The following GALNT13 variants were observed in gnomAD, a reference collection of about 807,000 sequenced individuals.
GALNT13 encodes the protein polypeptide N-acetylgalactosaminyltransferase 13.
In GALNT13, 28 loss-of-function variants were observed where a neutral mutation model predicts 64.2. That is an observed-to-expected ratio of 0.44 (90% CI 0.32 to 0.60). GALNT13 has a LOEUF of 0.60. Among genes scored for constraint, GALNT13 ranks in the 20% least tolerant of loss-of-function variants. The pLI, the probability that GALNT13 is intolerant of heterozygous loss-of-function variation, is 0.05. For synonymous variants in GALNT13, 214 were observed against 224.6 expected (o/e 0.95, Z 0.42); for missense variants, 577 against 669.8 (o/e 0.86, Z 1.53).
rs1279046101 is a variant in GALNT13, at chr2:154,042,550, C to T, written c.143-97787C>T. On this transcript the variant is annotated intron_variant, in intron 3 of 12. Coordinates refer to ENST00000392825, the MANE Select transcript of GALNT13 (RefSeq NM_052917.4). ...GCAGCCTTCCAGACAATATCATAAT[C>T]TTTTTTAAAGTGCACAGCACTATCT... Among the ~76,000 whole-genome samples the T allele has an allele frequency of 4.7e-5, 6 of 128,126 alleles. 2 individuals are homozygous for T. The highest frequency in any genetic ancestry group is 1.1e-4 in the Non-Finnish European group (6 of 54,220). The allele number at this position is 128,126 out of a possible 152,430, so 84.1% of individuals were successfully genotyped here.
At chr2:153,504,472 G>A in the GALNT13 span, among the ~76,000 whole-genome samples, 2 of 152,148 alleles carry the variant, frequency 1.3e-5, no homozygotes, top group Admixed American at 6.5e-5. Context: ...AGTTCTCAAA[G>A]GGAATGTTTT....
At chr2:153,942,772 A>T (rs1313147424) in intron 2 of GALNT13, among the ~76,000 whole-genome samples, 1 of 152,086 alleles carries the variant, frequency 6.6e-6, no homozygotes, top group Non-Finnish European at 1.5e-5. Flanking sequence ...TACAATAATT[A>T]TTTTGTAACT....
the GALNT13 span, among the ~76,000 whole-genome samples, chr2:153,109,899 AG>A: frequency 6.6e-6 from 1 of 152,068 alleles, no homozygotes; most frequent in Non-Finnish European, 1.5e-5. Context: ...AAACTATAAA[AG>A]CACAAGGTAA....
rs897946425 is a variant in GALNT13, at chr2:154,009,338, T to C, written c.142+64699T>C. On this transcript the variant is annotated intron_variant, in intron 3 of 12. Transcript: ENST00000392825. ...GTTTGAAGTTGGGTTATGTGTTGCC[T>C]GCTGCTTTTTTCTTTTTGCTTAGGA... 4.9e-4 allele frequency among the ~76,000 whole-genome samples: 75 copies of C among 152,144 alleles called. 1 individual carries two copies. The highest frequency in any genetic ancestry group is 4.9e-3 in the Admixed American group (75 of 15,250).
intron 3 of GALNT13, among the ~76,000 whole-genome samples, chr2:154,055,565 G>A (rs1699855451): frequency 6.6e-6 from 1 of 152,040 alleles, no homozygotes; most frequent in African/African-American, 2.4e-5. Context: ...GTGACTAATT[G>A]GAGAAAGTAT....
At chr2:153,664,199 C>T in the GALNT13 span, among the ~76,000 whole-genome samples, 1 of 152,170 alleles carries the variant, frequency 6.6e-6, no homozygotes, top group Non-Finnish European at 1.5e-5. Context: ...GGGCATATTT[C>T]ATCCCTTATC....
chr2:153,776,742 C>G, the GALNT13 span, among the ~76,000 whole-genome samples: 1 of 152,212 alleles, frequency 6.6e-6, no homozygotes, highest in Non-Finnish European at 1.5e-5. Flanking sequence ...CTTCTCTGTG[C>G]AGCTCTGACA....
At chr2:153,277,927 C>CTTTTTTTTTTTTTTTT in the GALNT13 span, among the ~76,000 whole-genome samples, 270 of 80,052 alleles carry the variant, frequency 3.4e-3, 18 homozygotes, top group Non-Finnish European at 4.9e-3. Context: ...TCTTTTCTTT[C>CTTTTTTTTTTTTTTTT]TTTTTTTTTT....
the GALNT13 span, among the ~76,000 whole-genome samples, chr2:153,345,723 T>TCCG: frequency 0.054 from 4,464 of 82,776 alleles, 251 homozygotes; most frequent in Middle Eastern, 0.07. Flanking sequence ...CTTTCTGTCC[T>TCCG]TCCTTCCTTC....
At chr2:153,745,863 C>G in the GALNT13 span, among the ~76,000 whole-genome samples, 6 of 152,120 alleles carry the variant, frequency 3.9e-5, no homozygotes, top group African/African-American at 7.2e-5. Flanking sequence ...GCTGGGATTA[C>G]AGGCTGGAGC....
chr2:153,928,816 G>C (rs1305348342), intron 2 of GALNT13, among the ~76,000 whole-genome samples: 1 of 152,006 alleles, frequency 6.6e-6, no homozygotes, highest in Middle Eastern at 3.2e-3. Flanking sequence ...CATCTTCATA[G>C]AATGAATATC....
At chr2:153,959,244 C>T (rs1391817569) in intron 3 of GALNT13, among the ~76,000 whole-genome samples, 1 of 152,124 alleles carries the variant, frequency 6.6e-6, no homozygotes, top group African/African-American at 2.4e-5. Flanking sequence ...CAATGAGGGT[C>T]CCCTCACCAA....
At chr2:153,651,963 A>T in the GALNT13 span, among the ~76,000 whole-genome samples, 1 of 152,176 alleles carries the variant, frequency 6.6e-6, no homozygotes, top group Admixed American at 6.6e-5. Context: ...TCTTAAGTGA[A>T]TGACCTGTAA....
the GALNT13 span, among the ~76,000 whole-genome samples, chr2:153,269,844 G>C: frequency 6.6e-6 from 1 of 152,080 alleles, no homozygotes; most frequent in Non-Finnish European, 1.5e-5. Flanking sequence ...GAGGGAAGGG[G>C]GATGTGCCAC....
chr2:153,524,786 G>A, the GALNT13 span, among the ~76,000 whole-genome samples: 1 of 152,118 alleles, frequency 6.6e-6, no homozygotes, highest in Non-Finnish European at 1.5e-5. Context: ...AGGAGCTCTG[G>A]GGCTCTAAAT....
chr2:153,954,259 A>G (rs1293785303), intron 3 of GALNT13, among the ~76,000 whole-genome samples: 6 of 152,176 alleles, frequency 3.9e-5, no homozygotes, highest in Non-Finnish European at 8.8e-5. Flanking sequence ...GATTGATTAA[A>G]ATGCATTGTC....
the GALNT13 span, among the ~76,000 whole-genome samples, chr2:153,210,288 A>T: frequency 3.9e-5 from 6 of 152,252 alleles, no homozygotes; most frequent in East Asian, 9.7e-4. Flanking sequence ...TATGTATTTT[A>T]TAGATACCCT....
chr2:153,743,880 A>G, the GALNT13 span, among the ~76,000 whole-genome samples: 1 of 151,886 alleles, frequency 6.6e-6, no homozygotes, highest in African/African-American at 2.4e-5. Context: ...CATAAGTTCA[A>G]TTCCTTTGGT....
At chr2:153,597,850 T>C in the GALNT13 span, among the ~76,000 whole-genome samples, 2 of 152,046 alleles carry the variant, frequency 1.3e-5, no homozygotes, top group South Asian at 4.1e-4. Context: ...GCTTAACACA[T>C]TATTCATTAG....
Sources: allele counts gnomAD v4.1 joint callset (sites outside exome capture counted in the v4.1 genomes callset), GRCh38; gene constraint gnomAD v4.1.1; transcripts MANE v1.5; gene names NCBI Gene and HGNC (gene_info 2026-07-23, HGNC 2026-07-21).